RIMS2: variants seen among roughly 807,000 people sequenced by gnomAD.
The protein encoded by RIMS2 is regulating synaptic membrane exocytosis 2.
RIMS2 carries 59 observed loss-of-function variants against 174.4 expected under a neutral mutation model. The observed-to-expected ratio is 0.34, with a 90% CI of 0.27 to 0.42. The LOEUF is 0.42. Among genes scored for constraint, RIMS2 ranks in the 10% least tolerant of loss-of-function variants. The pLI, the probability that RIMS2 is intolerant of heterozygous loss-of-function variation, is 1.00. For synonymous variants in RIMS2, 606 were observed against 572.5 expected (o/e 1.06, Z -0.84); for missense variants, 1,620 against 1,666.3 (o/e 0.97, Z 0.48).
At chr8:103,652,859 A>T (rs2096476800) in intron 1 of RIMS2, 149 bp downstream of exon 3, 2 of 344,630 alleles carry the variant, frequency 5.8e-6, no homozygotes, top group Admixed American at 7.5e-5. Context: ...CTTAATGAAA[A>T]TCTATAAAGA....
chr8:103,766,585 C>A (rs780344640), intron 3 of RIMS2, 48 bp downstream of exon 6: 2 of 1,237,400 alleles, frequency 1.6e-6, no homozygotes, highest in Non-Finnish European at 2.3e-6. Context: ...TTTTAGTCTT[C>A]ATTCCAAACA....
chr8:104,026,634 G>A (rs1233080230), intron 19 of RIMS2, among the ~76,000 whole-genome samples: 2 of 120,758 alleles, frequency 1.7e-5, no homozygotes, highest in African/African-American at 6.8e-5. Context: ...AGAAAGAAAT[G>A]GAAAGAGGAG....
At chr8:103,769,763 G>A (rs773649460) in intron 3 of RIMS2, among the ~76,000 whole-genome samples, 1 of 152,192 alleles carries the variant, frequency 6.6e-6, no homozygotes, top group Non-Finnish European at 1.5e-5. Context: ...ACAGGTTGTA[G>A]TTCCTTTTAT....
chr8:103,927,908 T>C, intron 11 of RIMS2: 7 of 1,597,656 alleles, frequency 4.4e-6, no homozygotes, highest in Non-Finnish European at 6.0e-6. Flanking sequence ...CTTGTCTGCC[T>C]GATAGAAACT....
chr8:103,667,417 G>A (rs1237790358), intron 1 of RIMS2, among the ~76,000 whole-genome samples: 2 of 152,162 alleles, frequency 1.3e-5, no homozygotes, highest in African/African-American at 4.8e-5. Context: ...TGTAAAAAGA[G>A]ACCGCCCATC....
chr8:103,927,929 TTAACCC>T (rs1250750943), intron 11 of RIMS2: 5 of 1,560,236 alleles, frequency 3.2e-6, no homozygotes, highest in Non-Finnish European at 4.4e-6. Flanking sequence ...AAAGTTGTGT[TTAACCC>T]TATTTGTATG....
chr8:103,972,718 T>A (rs1015140884), intron 15 of RIMS2, among the ~76,000 whole-genome samples: 2 of 152,160 alleles, frequency 1.3e-5, no homozygotes, highest in African/African-American at 4.8e-5. Flanking sequence ...TTTATCAGCT[T>A]GGAAAACCAT....
chr8:103,886,253 A>C (rs1313218001), intron 4 of RIMS2, 30 bp downstream of exon 7: 1 of 1,561,494 alleles, frequency 6.4e-7, no homozygotes, highest in Non-Finnish European at 8.6e-7. Flanking sequence ...ATTTTGCTGT[A>C]ATTGATTAGA....
intron 14 of RIMS2, among the ~76,000 whole-genome samples, chr8:103,948,971 A>G (rs2084547615): frequency 6.6e-6 from 1 of 151,246 alleles, no homozygotes; most frequent in African/African-American, 2.4e-5. Flanking sequence ...ACAAAAAAAA[A>G]AAATAATTAG....
chr8:103,994,107 T>C (rs541288687), intron 17 of RIMS2, among the ~76,000 whole-genome samples: 1 of 151,962 alleles, frequency 6.6e-6, no homozygotes, highest in African/African-American at 2.4e-5. Context: ...TAAGGGTTTT[T>C]GGAAGCTATA....
Position 104,211,567 on chromosome 8 carries a change from A to ATTT in RIMS2, c.3335-33336_3335-33334dup, listed in dbSNP as rs10699798. Among the ~76,000 whole-genome samples the ATTT allele has an allele frequency of 2.6e-3, 369 of 141,818 alleles. 2 individuals are homozygous for ATTT. Among genetic ancestry groups the ATTT allele is most frequent in the African/African-American group, 8.1e-3 (326 of 40,052 alleles). The allele number at this position is 141,818 out of a possible 152,430, so 93.0% of individuals were successfully genotyped here. On this transcript the variant is annotated intron_variant, in intron 19 of 23. Coordinates refer to ENST00000504942, the Ensembl canonical transcript of RIMS2. ...GGTTCGTGACATGACCCAATGTGGA[A>ATTT]TTTTTTTTTTTTTTTGAGACAGAGT...
intron 19 of RIMS2, among the ~76,000 whole-genome samples, chr8:104,037,429 C>T (rs2096539245): frequency 1.3e-5 from 2 of 152,172 alleles, no homozygotes; most frequent in Non-Finnish European, 1.5e-5. Context: ...CACATAGACA[C>T]ATATTGTTCA....
chr8:103,868,642 G>A (rs541588287), intron 3 of RIMS2, among the ~76,000 whole-genome samples: 7 of 152,134 alleles, frequency 4.6e-5, no homozygotes, highest in South Asian at 4.1e-4. Flanking sequence ...TTTTGAGACA[G>A]TATTATGCAA....
intron 2 of RIMS2, among the ~76,000 whole-genome samples, 158 bp downstream of exon 5, chr8:103,716,478 A>G (rs2097369430): frequency 6.6e-6 from 1 of 152,008 alleles, no homozygotes; most frequent in South Asian, 2.1e-4. Context: ...TAAGCATGCT[A>G]TCTGCTTTTA....
intron 3 of RIMS2, chr8:103,880,562 T>G (rs1332748757): frequency 4.8e-6 from 2 of 419,832 alleles, no homozygotes; most frequent in Non-Finnish European, 8.5e-6. Context: ...AATCATCTGA[T>G]TAAGGATGGC....
At chr8:103,719,270 T>A (rs2097415797) in intron 2 of RIMS2, among the ~76,000 whole-genome samples, 1 of 152,220 alleles carries the variant, frequency 6.6e-6, no homozygotes, top group Non-Finnish European at 1.5e-5. Flanking sequence ...CTTTTCCCAA[T>A]GTGAGAAAAA....
intron 2 of RIMS2, among the ~76,000 whole-genome samples, chr8:103,697,502 A>G (rs1157447461): frequency 6.6e-6 from 1 of 150,876 alleles, no homozygotes; most frequent in Non-Finnish European, 1.5e-5. Context: ...TTAGCCCAGG[A>G]GTTCTAGACT....
At chr8:104,152,281 T>A (rs1257455826) in intron 19 of RIMS2, among the ~76,000 whole-genome samples, 1 of 152,182 alleles carries the variant, frequency 6.6e-6, no homozygotes, top group African/African-American at 2.4e-5. Context: ...TACTATTCAG[T>A]GACATTATAA....
chr8:104,187,795 T>A (rs2098975893), intron 19 of RIMS2, among the ~76,000 whole-genome samples: 1 of 151,804 alleles, frequency 6.6e-6, no homozygotes, highest in Non-Finnish European at 1.5e-5. Context: ...TCCAAACTCT[T>A]TAAGACTTCA....
Sources: allele counts gnomAD v4.1 joint callset (sites outside exome capture counted in the v4.1 genomes callset), GRCh38; gene constraint gnomAD v4.1.1; transcripts MANE v1.5; gene names NCBI Gene and HGNC (gene_info 2026-07-23, HGNC 2026-07-21).